KCNIP4: variants seen among roughly 807,000 people sequenced by gnomAD.
KCNIP4 encodes the protein Kv channel-interacting protein 4.
In KCNIP4, 12 loss-of-function variants were observed where a neutral mutation model predicts 34.0. That is an observed-to-expected ratio of 0.35 (90% CI 0.23 to 0.57). The LOEUF (loss-of-function observed/expected upper bound fraction) is 0.57, where lower values mean the gene tolerates loss of function less well. Among genes scored for constraint, KCNIP4 ranks in the 20% least tolerant of loss-of-function variants. The pLI is 0.83. For synonymous variants in KCNIP4, 124 were observed against 102.2 expected, an observed-to-expected ratio of 1.21 and a Z score of -1.29; for missense variants, 238 against 311.7, an observed-to-expected ratio of 0.76 and a Z score of 1.78.
chr4:20,921,185 C>G (rs186249675), intron 1 of KCNIP4, among the ~76,000 whole-genome samples: 1 of 151,920 alleles, frequency 6.6e-6, no homozygotes, highest in Non-Finnish European at 1.5e-5. Flanking sequence ...GAGGTGTTCC[C>G]GAGGCAAAAC....
intron 4 of KCNIP4, among the ~76,000 whole-genome samples, chr4:20,753,718 C>T (rs979217008): frequency 6.6e-6 from 1 of 151,392 alleles, no homozygotes; most frequent in Non-Finnish European, 1.5e-5. Context: ...TCAATAAGCC[C>T]TCTGTAAATC....
intron 1 of KCNIP4, among the ~76,000 whole-genome samples, chr4:20,933,257 T>A (rs115513183): frequency 6.6e-6 from 1 of 151,626 alleles, no homozygotes; most frequent in African/African-American, 2.4e-5. Flanking sequence ...AGAAAAAAAA[T>A]ATAAAAAAAT....
intron 1 of KCNIP4, among the ~76,000 whole-genome samples, chr4:21,372,423 T>C (rs1253836320): frequency 9.9e-5 from 14 of 141,438 alleles, no homozygotes; most frequent in Non-Finnish European, 1.7e-4. Flanking sequence ...GATACAGATA[T>C]AGATATAGAT....
intron 1 of KCNIP4, among the ~76,000 whole-genome samples, chr4:21,861,482 T>C (rs1236026696): frequency 6.6e-6 from 1 of 151,986 alleles, no homozygotes; most frequent in Non-Finnish European, 1.5e-5. Context: ...TGAAACCCCA[T>C]CTCTATTAAA....
intron 1 of KCNIP4, among the ~76,000 whole-genome samples, chr4:21,106,806 C>G (rs1748588059): frequency 6.6e-6 from 1 of 151,372 alleles, no homozygotes; most frequent in Non-Finnish European, 1.5e-5. Flanking sequence ...TGTCTTTTTT[C>G]TCGTTGGTGT....
rs551202434 is a variant in KCNIP4, at chr4:21,101,335, T to TTA, written c.62-218628_62-218627dup. Reference sequence around the variant, plus strand: ...TAGTATTTCATGTTGCATATAAATTTTATATATATATCATTTCTTTATATA... The same window carrying TTA: ...TAGTATTTCATGTTGCATATAAATTTTATATATATATATCATTTCTTTATATA... On this transcript the variant is annotated intron_variant, in intron 1 of 8. Coordinates refer to ENST00000382152, the MANE Select transcript of KCNIP4 (RefSeq NM_025221.6). Among the ~76,000 whole-genome samples the TTA allele has an allele frequency of 2.0e-4, 31 of 152,124 alleles. 1 individual carries two copies. The South Asian group carries it at 5.8e-3, about 28-fold the overall frequency.
intron 1 of KCNIP4, among the ~76,000 whole-genome samples, chr4:20,934,034 T>G (rs1215217862): frequency 6.6e-6 from 1 of 152,228 alleles, no homozygotes; most frequent in Non-Finnish European, 1.5e-5. Context: ...GCAGGTACTT[T>G]ATTCAAGTAA....
At chr4:21,417,593 C>T (rs1725071039) in intron 1 of KCNIP4, among the ~76,000 whole-genome samples, 1 of 152,038 alleles carries the variant, frequency 6.6e-6, no homozygotes, top group South Asian at 2.1e-4. Flanking sequence ...GAGACTCAAT[C>T]AGAGCTGGAT....
At position 21,101,465 on chromosome 4, in the gene KCNIP4, A is replaced by G. The variant is rs75846113; in HGVS notation, c.62-218756T>C. 1.8e-3 allele frequency among the ~76,000 whole-genome samples: 276 copies of G among 152,240 alleles called. 2 individuals carry two copies. The highest frequency in any genetic ancestry group is 6.2e-3 in the African/African-American group (256 of 41,560). On this transcript the variant is annotated intron_variant, in intron 1 of 8. Coordinates refer to ENST00000382152, the MANE Select transcript of KCNIP4 (RefSeq NM_025221.6). ...TGATGGACACTTAGGTTGATTCCAAATCTTTGTGACTGTGAATAGTGCTGC... is the reference window on the plus strand; with the variant it reads ...TGATGGACACTTAGGTTGATTCCAAGTCTTTGTGACTGTGAATAGTGCTGC...
chr4:21,560,876 TG>T (rs1246988032), intron 1 of KCNIP4, among the ~76,000 whole-genome samples: 1 of 152,034 alleles, frequency 6.6e-6, no homozygotes, highest in African/African-American at 2.4e-5. Flanking sequence ...TGTTTTAGGA[TG>T]TTTAGATTGG....
At chr4:21,179,844 CTT>C (rs1365009232) in intron 1 of KCNIP4, among the ~76,000 whole-genome samples, 4 of 152,090 alleles carry the variant, frequency 2.6e-5, no homozygotes, top group African/African-American at 7.2e-5. Context: ...TCATTTATTT[CTT>C]TCTCTTAGCT....
intron 1 of KCNIP4, among the ~76,000 whole-genome samples, chr4:20,924,489 T>A (rs1361785526): frequency 9.2e-5 from 14 of 152,220 alleles, no homozygotes. Context: ...TTTCAATATA[T>A]TGCAATATAA....
At chr4:21,302,750 G>A (rs1300110813) in intron 1 of KCNIP4, among the ~76,000 whole-genome samples, 1 of 151,982 alleles carries the variant, frequency 6.6e-6, no homozygotes, top group African/African-American at 2.4e-5. Context: ...TAGGTTTCTG[G>A]TAACCTACAT....
At chr4:21,862,803 T>C (rs1159088541) in intron 1 of KCNIP4, among the ~76,000 whole-genome samples, 1 of 151,878 alleles carries the variant, frequency 6.6e-6, no homozygotes, top group Admixed American at 6.6e-5. Flanking sequence ...CTACTAAAAA[T>C]ACAAAAAATT....
chr4:21,042,878 A>T (rs1742087726), intron 1 of KCNIP4, among the ~76,000 whole-genome samples: 1 of 152,160 alleles, frequency 6.6e-6, no homozygotes, highest in Non-Finnish European at 1.5e-5. Flanking sequence ...TTGGGGGAAA[A>T]AAAGGATAAT....
intron 1 of KCNIP4, among the ~76,000 whole-genome samples, chr4:21,545,461 G>A (rs553287720): frequency 8.2e-4 from 125 of 152,092 alleles, no homozygotes; most frequent in Admixed American, 2.5e-3. Context: ...GGCTATACAC[G>A]TGCCATGGTG....
At chr4:21,207,672 T>C (rs1756937262) in intron 1 of KCNIP4, among the ~76,000 whole-genome samples, 1 of 152,172 alleles carries the variant, frequency 6.6e-6, no homozygotes, top group Non-Finnish European at 1.5e-5. Flanking sequence ...TCCAACCTAA[T>C]TTCATATTAG....
intron 1 of KCNIP4, among the ~76,000 whole-genome samples, chr4:21,735,556 C>T (rs1202176002): frequency 6.6e-6 from 1 of 152,078 alleles, no homozygotes; most frequent in Non-Finnish European, 1.5e-5. Flanking sequence ...TAAAATTTGC[C>T]TTAGTGGGAG....
chr4:21,434,485 G>T (rs1726772830), intron 1 of KCNIP4, among the ~76,000 whole-genome samples: 1 of 152,064 alleles, frequency 6.6e-6, no homozygotes, highest in Admixed American at 6.6e-5. Context: ...CTGGGACTCT[G>T]GGACCATATA....
Sources: gnomAD v4.1 joint callset for allele counts (sites outside exome capture counted in the v4.1 genomes callset) on GRCh38, gnomAD v4.1.1 for gene constraint, MANE v1.5 for transcripts, NCBI Gene and HGNC (gene_info 2026-07-23, HGNC 2026-07-21) for gene names.